TANC1: variants seen among roughly 807,000 people sequenced by gnomAD.
TANC1 encodes the protein protein TANC1.
Under a neutral mutation model 149.7 loss-of-function variants are expected in TANC1, and 77 were observed. That is an observed-to-expected ratio of 0.51 (90% CI 0.43 to 0.62). The LOEUF is 0.62. Among genes scored for constraint, TANC1 ranks in the 20% least tolerant of loss-of-function variants. The pLI, the probability that TANC1 is intolerant of heterozygous loss-of-function variation, is 0.00. For missense variants in TANC1, 1,985 were observed against 2,321.8 expected (o/e 0.85, Z 2.98); for synonymous variants, 854 against 925.0 (o/e 0.92, Z 1.39).
intron 19 of TANC1, among the ~76,000 whole-genome samples, chr2:159,199,514 TG>T (rs929436276): frequency 6.6e-6 from 1 of 152,182 alleles, no homozygotes; most frequent in African/African-American, 2.4e-5. Flanking sequence ...CTCAGCCTCG[TG>T]GGGTTTACTC....
At chr2:159,063,035 T>G (rs2042379802) in intron 2 of TANC1, among the ~76,000 whole-genome samples, 1 of 138,586 alleles carries the variant, frequency 7.2e-6, no homozygotes, top group Non-Finnish European at 1.6e-5. Context: ...AAAGCTGGAG[T>G]ACCGATTTGT....
chr2:159,186,855 CAGATCTGTCTCTGATTGTTTCCA>C lies in TANC1; in HGVS notation c.2620-35_2620-13del, dbSNP rs755543842. 1.1e-5 allele frequency: 17 copies of C among 1,612,270 alleles called. No homozygotes were observed. In the South Asian group the frequency reaches 1.8e-4, roughly 17 times the overall value. ...TGCAGGTGGGAAGGAGATGCTCAGGCAGATCTGTCTCTGATTGTTTCCAAGATCTGTCTCGATTGTTTCCAGGG... is the reference window on the plus strand; with the variant it reads ...TGCAGGTGGGAAGGAGATGCTCAGGCAGATCTGTCTCGATTGTTTCCAGGG... On this transcript the variant is annotated intron_variant, in intron 15 of 26. Coordinates refer to ENST00000263635, the MANE Select transcript of TANC1 (RefSeq NM_033394.3).
intron 12 of TANC1, among the ~76,000 whole-genome samples, chr2:159,175,404 G>A (rs2055741510): frequency 6.6e-6 from 1 of 152,168 alleles, no homozygotes; most frequent in Admixed American, 6.5e-5. Flanking sequence ...GAAGCACCCT[G>A]ATAAGAATGA....
At chr2:159,190,295 G>T (rs1039445328) in intron 16 of TANC1, among the ~76,000 whole-genome samples, 3 of 152,154 alleles carry the variant, frequency 2.0e-5, no homozygotes, top group Non-Finnish European at 2.9e-5. Flanking sequence ...TGATGGGGGA[G>T]GACAGAATGT....
chr2:159,097,632 T>C lies in TANC1; in HGVS notation c.62-5T>C. ...TTTAACCTAAGTATTCTCTCTCTACTCTAGGAAGTGACTTTGGTCCAGAGA... is the reference window on the plus strand; with the variant it reads ...TTTAACCTAAGTATTCTCTCTCTACCCTAGGAAGTGACTTTGGTCCAGAGA... On this transcript the variant is annotated splice_polypyrimidine_tract_variant and splice_region_variant and intron_variant, in intron 3 of 26. Coordinates refer to ENST00000263635, the MANE Select transcript of TANC1 (RefSeq NM_033394.3). The C allele has an allele frequency of 1.9e-6, 3 of 1,610,936 alleles. No homozygotes were observed. Among genetic ancestry groups the C allele is most frequent in the Non-Finnish European group, 8.5e-7 (1 of 1,177,190 alleles).
At chr2:159,058,199 A>C (rs916901072) in intron 2 of TANC1, among the ~76,000 whole-genome samples, 1 of 152,186 alleles carries the variant, frequency 6.6e-6, no homozygotes, top group African/African-American at 2.4e-5. Flanking sequence ...CTGTCTTTGC[A>C]CTTATCCCTT....
rs2055342468 is a variant in TANC1 at position 159,172,290 on chromosome 2, A to T, written c.1503+18A>T. ...CTTCTAAGGTAATCTTTCTTGTTTT[A>T]TTGGAGCCTTCCACATAGAGAGATT... On this transcript the variant is annotated intron_variant, in intron 11 of 26. Coordinates refer to ENST00000263635, the MANE Select transcript of TANC1 (RefSeq NM_033394.3). 1 of 1,611,966 alleles carries T rather than the reference A, an allele frequency of 6.2e-7. No individual in the cohort carries two copies. The highest frequency in any genetic ancestry group is 8.5e-7 in the Non-Finnish European group (1 of 1,178,728).
intron 4 of TANC1, among the ~76,000 whole-genome samples, chr2:159,118,558 CAG>C (rs1279652443): frequency 6.6e-6 from 1 of 152,174 alleles, no homozygotes; most frequent in Non-Finnish European, 1.5e-5. Flanking sequence ...CAGGTGCAGT[CAG>C]AGTCTGTCCT....
chr2:159,169,507 C>A, intron 9 of TANC1, 135 bp downstream of exon 9: 1 of 923,530 alleles, frequency 1.1e-6, no homozygotes, highest in Non-Finnish European at 1.7e-6. Context: ...AAAAGCATAT[C>A]TGTGAGGTGT....
At position 159,230,555 on chromosome 2, in the gene TANC1, A is replaced by C; in HGVS notation, c.5129A>C (p.Gln1710Pro). Residue 1710 changes from glutamine to proline, a missense_variant, in exon 27 of 27, where the codon CAG (glutamine) becomes CCG (proline). Gln to Pro is a moderately conservative substitution (Grantham distance 76). This residue lies in a region of TANC1 where 920 missense variants were observed against 994.7 expected (regional missense o/e 0.92). Coordinates refer to ENST00000263635, the MANE Select transcript of TANC1 (RefSeq NM_033394.3). The surrounding 1 kb of genome is among the most constrained non-coding windows in gnomAD (Gnocchi z 4.4). ...RIKDKVVTHV[Q>P]SGTAEHRPRN... ...AAAGACAAGGTTGTAACCCACGTTCAGAGCGGTACAGCTGAGCACAGACCC... is the reference window on the plus strand; with the variant it reads ...AAAGACAAGGTTGTAACCCACGTTCCGAGCGGTACAGCTGAGCACAGACCC... 2 of 1,614,230 alleles carry C rather than the reference A, an allele frequency of 1.2e-6. No homozygotes were observed. Among genetic ancestry groups the C allele is most frequent in the Non-Finnish European group, 1.7e-6 (2 of 1,180,040 alleles).
intron 7 of TANC1, among the ~76,000 whole-genome samples, chr2:159,160,506 G>A (rs2053938140): frequency 6.6e-6 from 1 of 152,180 alleles, no homozygotes; most frequent in Non-Finnish European, 1.5e-5. Flanking sequence ...TTCTCTTCTT[G>A]GGGACTCCGG....
At chr2:159,171,974 C>A in intron 10 of TANC1, 147 bp from the exon 11 acceptor site, 1 of 634,424 alleles carries the variant, frequency 1.6e-6, no homozygotes, top group Non-Finnish European at 2.6e-6. Context: ...CAGATGGGAA[C>A]CTGTGCTCTC....
Position 159,133,157 on chromosome 2 carries a change from T to C in TANC1, c.260-3037T>C, listed in dbSNP as rs146015463. Among the ~76,000 whole-genome samples, 381 of 152,258 alleles carry C rather than the reference T, an allele frequency of 2.5e-3. 5 individuals carry two copies. Among genetic ancestry groups the C allele is most frequent in the African/African-American group, 8.8e-3 (364 of 41,536 alleles). ...TAAGGGGAGCAGAAATACAGGCACT[T>C]CTTGAGCAGTGGCCATGCCTGCTCA... On this transcript the variant is annotated intron_variant, in intron 4 of 26. Coordinates refer to ENST00000263635, the MANE Select transcript of TANC1 (RefSeq NM_033394.3).
intron 4 of TANC1, among the ~76,000 whole-genome samples, chr2:159,125,022 C>T (rs1226622890): frequency 1.3e-5 from 2 of 152,122 alleles, no homozygotes. Flanking sequence ...GGATTTCAGG[C>T]GTGAGCCACC....
intron 3 of TANC1, among the ~76,000 whole-genome samples, chr2:159,070,889 G>A (rs2043100077): frequency 6.6e-6 from 1 of 152,186 alleles, no homozygotes; most frequent in South Asian, 2.1e-4. Context: ...ACCACATAGC[G>A]AGTAAATGGC....
At chr2:158,995,253 A>T (rs1228032255) in intron 1 of TANC1, among the ~76,000 whole-genome samples, 2 of 152,142 alleles carry the variant, frequency 1.3e-5, no homozygotes, top group Admixed American at 1.3e-4. Context: ...GGGGGCGCTC[A>T]GTTTTGTGTA....
intron 9 of TANC1, 100 bp from the exon 10 acceptor site, chr2:159,170,424 A>G: frequency 9.0e-7 from 1 of 1,106,522 alleles, no homozygotes; most frequent in Non-Finnish European, 1.3e-6. Context: ...TAGTGGGGGT[A>G]AAGCTAAGGA....
In TANC1 at chr2:159,061,931, T is replaced by C. The variant is rs140851329; in HGVS notation, c.-15-3965T>C. On this transcript the variant is annotated intron_variant, in intron 2 of 26. Coordinates refer to ENST00000263635, the MANE Select transcript of TANC1 (RefSeq NM_033394.3). ...TTGGTCAGTATTTGAGTTATACCTG[T>C]GCCTTTGGTCTATAATATAAAGTAG... is the stretch of plus-strand genomic sequence containing the variant. Among the ~76,000 whole-genome samples the C allele has an allele frequency of 2.1e-3, 323 of 152,318 alleles. 2 individuals are homozygous for C. Among genetic ancestry groups the C allele is most frequent in the African/African-American group, 7.1e-3 (297 of 41,568 alleles).
intron 16 of TANC1, among the ~76,000 whole-genome samples, chr2:159,189,860 C>T (rs927114872): frequency 2.0e-5 from 3 of 152,124 alleles, no homozygotes; most frequent in Non-Finnish European, 4.4e-5. Flanking sequence ...TTTCAAGCTC[C>T]CAGGTGGTTT....
Sources: gnomAD v4.1 joint callset for allele counts (sites outside exome capture counted in the v4.1 genomes callset) on GRCh38, gnomAD v4.1.1 for gene constraint, gnomAD v4.1.1 regional missense constraint, Gnocchi (gnomAD v3.1) non-coding constraint, MANE v1.5 for transcripts, NCBI Gene and HGNC (gene_info 2026-07-23, HGNC 2026-07-21) for gene names.